TACR1: variants seen among roughly 807,000 people sequenced by gnomAD.
TACR1 encodes the protein tachykinin receptor 1, also known as substance-P receptor.
Under a neutral mutation model 35.8 loss-of-function variants are expected in TACR1, and 25 were observed. The ratio of observed to expected loss-of-function variants is 0.70; its 90% CI spans 0.51 to 0.98. TACR1 has a LOEUF of 0.98. TACR1 is among the 50% of genes least tolerant of loss of function. The probability of loss-of-function intolerance (pLI) is 0.00; values close to 1 mark genes in which losing one functional copy is unlikely to be tolerated. For synonymous variants in TACR1, 195 were observed against 206.7 expected, an observed-to-expected ratio of 0.94 and a Z score of 0.48; for missense variants, 478 against 522.9, an observed-to-expected ratio of 0.91 and a Z score of 0.84.
chr2:75,063,945 T>C (rs1672718961), intron 2 of TACR1, among the ~76,000 whole-genome samples: 1 of 152,222 alleles, frequency 6.6e-6, no homozygotes, highest in South Asian at 2.1e-4. Context: ...TAGAGCCAGG[T>C]TGGCAGCTTC....
At chr2:75,058,387 G>T (rs190935320) in intron 2 of TACR1, among the ~76,000 whole-genome samples, 11 of 152,284 alleles carry the variant, frequency 7.2e-5, no homozygotes, top group Admixed American at 7.2e-4. Context: ...GTGGCTCTAT[G>T]CTTGCTTTGG....
intron 2 of TACR1, among the ~76,000 whole-genome samples, chr2:75,067,250 A>C (rs1206925687): frequency 6.6e-6 from 1 of 152,222 alleles, no homozygotes; most frequent in Non-Finnish European, 1.5e-5. Flanking sequence ...CACAGTTCTT[A>C]GATGCTGAAT....
chr2:75,049,432 C>T lies in TACR1; in HGVS notation c.1224G>A (p.Ter408=). Residue 408 remains the stop codon, a stop_retained_variant, in exon 5 of 5, where the codon TAG becomes TAA. Coordinates refer to ENST00000305249, the MANE Select transcript of TACR1 (RefSeq NM_001058.4). Reference sequence around the variant, plus strand: ...CTGCACCTGCCAAAGGCCCTGTGGCCTAGGAGAGCACATTGGAGGAGAAGC... The same window carrying T: ...CTGCACCTGCCAAAGGCCCTGTGGCTTAGGAGAGCACATTGGAGGAGAAGC... ...SFSFSSNVLS[*] 6.2e-7 allele frequency: 1 copy of T among 1,611,664 alleles called. No individual in the cohort carries two copies. The highest frequency in any genetic ancestry group is 1.3e-5 in the African/African-American group (1 of 75,032).
At chr2:75,129,893 A>T (rs149933908) in intron 1 of TACR1, among the ~76,000 whole-genome samples, 4,549 of 152,266 alleles carry the variant, frequency 0.03, 86 homozygotes, top group South Asian at 0.052. Context: ...AAGGACTAGG[A>T]AGGGGAATGA....
intron 1 of TACR1, among the ~76,000 whole-genome samples, chr2:75,142,058 T>G: frequency 6.6e-6 from 1 of 152,192 alleles, no homozygotes; most frequent in East Asian, 1.9e-4. Flanking sequence ...TCAGCCCTCT[T>G]TTATGGAGGA....
chr2:75,128,124 GC>G (rs1253422142), intron 1 of TACR1, among the ~76,000 whole-genome samples: 2 of 152,164 alleles, frequency 1.3e-5, no homozygotes, highest in Non-Finnish European at 2.9e-5. Context: ...GTAAAAGTTT[GC>G]CTGGATGTGC....
chr2:75,122,773 A>G (rs900108413), intron 1 of TACR1, among the ~76,000 whole-genome samples: 19 of 152,180 alleles, frequency 1.2e-4, no homozygotes, highest in Non-Finnish European at 2.6e-4. Flanking sequence ...AACTCTCAAT[A>G]TGTTACAAAT....
intron 1 of TACR1, among the ~76,000 whole-genome samples, chr2:75,175,983 G>A (rs1675403984): frequency 8.0e-6 from 1 of 125,118 alleles, no homozygotes; most frequent in South Asian, 2.6e-4. Flanking sequence ...ATTACTGACT[G>A]TAGCATGGCT....
In TACR1 at chr2:75,123,279, T is replaced by C. The variant is rs1444440065; in HGVS notation, c.390-2511A>G. Among the ~76,000 whole-genome samples, 3 of 150,482 alleles carry C rather than the reference T, an allele frequency of 2.0e-5. 1 individual carries two copies. Among genetic ancestry groups the C allele is most frequent in the Admixed American group, 2.0e-4 (3 of 15,080 alleles). On this transcript the variant is annotated intron_variant, in intron 1 of 4. Transcript: ENST00000305249. ...GGAGGATGCTCAGGGGAGAATGTGG[T>C]AATTACATTGCCCTCTTTTAATATT...
chr2:75,178,500 T>C (rs1275730822), intron 1 of TACR1, among the ~76,000 whole-genome samples: 1 of 152,098 alleles, frequency 6.6e-6, no homozygotes, highest in Non-Finnish European at 1.5e-5. Context: ...CCCATTCTTA[T>C]TTCTATTCAA....
intron 1 of TACR1, among the ~76,000 whole-genome samples, chr2:75,195,363 T>TTCTTCCC (rs1675943426): frequency 6.6e-6 from 1 of 151,490 alleles, no homozygotes; most frequent in African/African-American, 2.4e-5. Context: ...CCTCCCACTT[T>TTCTTCCC]TCTTCCCTCT....
chr2:75,136,694 C>G (rs777597346), intron 1 of TACR1, among the ~76,000 whole-genome samples: 5 of 152,206 alleles, frequency 3.3e-5, no homozygotes, highest in African/African-American at 9.6e-5. Context: ...GGCGCTTTAA[C>G]TTTTCCATCA....
chr2:75,198,528 C>T lies in TACR1; in HGVS notation c.389+18G>A, dbSNP rs1262911789. ...CTCTATGAGCACTTTCTCGCCTTTT[C>T]ACAAAGGCTAATCTCACCTATCAAA... On this transcript the variant is annotated intron_variant, in intron 1 of 4. Transcript: ENST00000305249. 1 of 1,605,664 alleles carries T rather than the reference C, an allele frequency of 6.2e-7. No individual in the cohort carries two copies. The highest frequency in any genetic ancestry group is 8.5e-7 in the Non-Finnish European group (1 of 1,173,074).
chr2:75,083,606 C>G (rs1673134745), intron 2 of TACR1, among the ~76,000 whole-genome samples: 1 of 152,050 alleles, frequency 6.6e-6, no homozygotes, highest in African/African-American at 2.4e-5. Context: ...TTTCCTTGAG[C>G]AGTGGTTTGT....
chr2:75,151,780 G>T (rs751613129), intron 1 of TACR1, among the ~76,000 whole-genome samples: 14 of 152,000 alleles, frequency 9.2e-5, no homozygotes, highest in Non-Finnish European at 1.3e-4. Flanking sequence ...CCTGGAAAAG[G>T]CTGTAGACAC....
chr2:75,120,308 C>T (rs993804824), intron 2 of TACR1, among the ~76,000 whole-genome samples: 4 of 151,938 alleles, frequency 2.6e-5, no homozygotes, highest in South Asian at 2.1e-4. Context: ...GTAAAAGGCC[C>T]GAGGGATATG....
intron 2 of TACR1, among the ~76,000 whole-genome samples, chr2:75,099,230 C>T (rs1673484593): frequency 6.6e-6 from 1 of 152,196 alleles, no homozygotes; most frequent in African/African-American, 2.4e-5. Flanking sequence ...TCTGGCATCT[C>T]AGTGCTGAGA....
intron 2 of TACR1, among the ~76,000 whole-genome samples, chr2:75,079,525 A>C (rs1673041833): frequency 6.6e-6 from 1 of 151,882 alleles, no homozygotes. Flanking sequence ...TTTCCCTCCT[A>C]ATGTAACCCT....
chr2:75,119,682 C>T (rs183248593), intron 2 of TACR1, among the ~76,000 whole-genome samples: 1 of 152,244 alleles, frequency 6.6e-6, no homozygotes, highest in Admixed American at 6.5e-5. Flanking sequence ...ATAAGTATGT[C>T]TGCCCTGTCA....
Sources: allele counts gnomAD v4.1 joint callset (sites outside exome capture counted in the v4.1 genomes callset), GRCh38; gene constraint gnomAD v4.1.1; transcripts MANE v1.5; gene names NCBI Gene and HGNC (gene_info 2026-07-23, HGNC 2026-07-21).